The following GRIK4 variants were observed in gnomAD, a reference collection of about 807,000 sequenced individuals.
GRIK4 encodes the protein glutamate ionotropic receptor kainate type subunit 4.
In GRIK4, 40 loss-of-function variants were observed where a neutral mutation model predicts 104.9. That is an observed-to-expected ratio of 0.38 (90% CI 0.30 to 0.50). The LOEUF is 0.50. Ranked by LOEUF, GRIK4 falls within the 20% of genes least tolerant of loss-of-function variation. The pLI is 0.93. For synonymous variants in GRIK4, 485 were observed against 524.9 expected, an observed-to-expected ratio of 0.92 and a Z score of 1.04; for missense variants, 1,047 against 1,308.1, an observed-to-expected ratio of 0.80 and a Z score of 3.08.
chr11:120,655,107 C>T (rs1245368859), intron 2 of GRIK4, among the ~76,000 whole-genome samples: 2 of 151,942 alleles, frequency 1.3e-5, no homozygotes, highest in Non-Finnish European at 2.9e-5. Context: ...CTACTATGTG[C>T]CAGATAGGGT....
rs1260222998 is a variant in GRIK4 at position 120,902,766 on chromosome 11, G to A, written c.1273-2524G>A. On this transcript the variant is annotated intron_variant, in intron 12 of 20. Coordinates refer to ENST00000527524, the MANE Select transcript of GRIK4 (RefSeq NM_014619.5). The surrounding 1 kb of genome is among the most constrained non-coding windows in gnomAD (Gnocchi z 4.5). ...ACATGGGTTGGCACAGAAGGAGGCAGTGTGACTCTGCGGACAAAGATGACT... is the reference window on the plus strand; with the variant it reads ...ACATGGGTTGGCACAGAAGGAGGCAATGTGACTCTGCGGACAAAGATGACT... 2.0e-5 allele frequency among the ~76,000 whole-genome samples: 3 copies of A among 152,318 alleles called. No individual in the cohort carries two copies. Among genetic ancestry groups the A allele is most frequent in the South Asian group, 2.1e-4 (1 of 4,826 alleles).
chr11:120,933,323 G>A (rs1371397258), intron 13 of GRIK4, among the ~76,000 whole-genome samples: 1 of 152,206 alleles, frequency 6.6e-6, no homozygotes, highest in African/African-American at 2.4e-5. Flanking sequence ...CCCTTGCTAA[G>A]ATGATCCTCA....
At chr11:120,717,277 C>T (rs755406773) in intron 3 of GRIK4, among the ~76,000 whole-genome samples, 4 of 152,182 alleles carry the variant, frequency 2.6e-5, no homozygotes, top group Non-Finnish European at 5.9e-5. Flanking sequence ...TGGTGGGCAA[C>T]GCTGCAGGAA....
intron 3 of GRIK4, among the ~76,000 whole-genome samples, chr11:120,707,298 CT>C (rs1374183736): frequency 6.6e-6 from 1 of 152,216 alleles, no homozygotes; most frequent in Non-Finnish European, 1.5e-5. Context: ...GAGACTCACA[CT>C]TGTGGCCGCC....
At chr11:120,551,744 G>C (rs1948142613) in intron 1 of GRIK4, among the ~76,000 whole-genome samples, 1 of 152,078 alleles carries the variant, frequency 6.6e-6, no homozygotes, top group Admixed American at 6.6e-5. Context: ...TCACACCGTT[G>C]CACTCCAGCC....
At chr11:120,949,404 C>T (rs768955977) in intron 14 of GRIK4, among the ~76,000 whole-genome samples, 10 of 152,168 alleles carry the variant, frequency 6.6e-5, no homozygotes, top group South Asian at 2.1e-4. Flanking sequence ...CAATTTCATC[C>T]GCAGAGCTTG....
chr11:120,849,252 T>A (rs897383529), intron 8 of GRIK4, among the ~76,000 whole-genome samples: 1 of 151,996 alleles, frequency 6.6e-6, no homozygotes, highest in African/African-American at 2.4e-5. Flanking sequence ...CAAACTGAAA[T>A]AAGAACAAGA....
At chr11:120,814,660 C>CCCAGCACCTGT (rs201615547) in intron 4 of GRIK4, among the ~76,000 whole-genome samples, 2,456 of 152,160 alleles carry the variant, frequency 0.016, 68 homozygotes, top group African/African-American at 0.055. Flanking sequence ...CAGAACTGAT[C>CCCAGCACCTGT]CCGGACAGGT....
chr11:120,527,256 C>T (rs1455659166), intron 1 of GRIK4, among the ~76,000 whole-genome samples: 1 of 152,230 alleles, frequency 6.6e-6, no homozygotes, highest in Non-Finnish European at 1.5e-5. Flanking sequence ...CCTCAGCTTT[C>T]ATGGAATGTG....
chr11:120,583,813 A>G (rs1419839892), intron 1 of GRIK4, among the ~76,000 whole-genome samples: 1 of 152,238 alleles, frequency 6.6e-6, no homozygotes, highest in Non-Finnish European at 1.5e-5. Flanking sequence ...CAGTATGGCC[A>G]TTTTAACAAT....
chr11:120,721,953 T>C (rs1377128462), intron 3 of GRIK4, among the ~76,000 whole-genome samples: 1 of 152,238 alleles, frequency 6.6e-6, no homozygotes, highest in Admixed American at 6.5e-5. Flanking sequence ...TTACATGTTT[T>C]AACTCACTTC....
intron 3 of GRIK4, among the ~76,000 whole-genome samples, chr11:120,679,748 C>T (rs1591797407): frequency 6.6e-6 from 1 of 152,212 alleles, no homozygotes; most frequent in Admixed American, 6.5e-5. Flanking sequence ...CTCCCATCCT[C>T]ACTCTTTCTC....
chr11:120,889,790 G>A (rs1374423383), intron 11 of GRIK4, among the ~76,000 whole-genome samples: 4 of 151,832 alleles, frequency 2.6e-5, no homozygotes, highest in African/African-American at 9.7e-5. Context: ...TTTTAGTAGA[G>A]ACAGGGTTTC....
intron 3 of GRIK4, among the ~76,000 whole-genome samples, chr11:120,685,224 C>T (rs1312906353): frequency 6.6e-6 from 1 of 152,150 alleles, no homozygotes; most frequent in South Asian, 2.1e-4. Context: ...AGTTCATTGT[C>T]GTTAAAAATA....
chr11:120,758,679 T>C (rs773970858), intron 3 of GRIK4, among the ~76,000 whole-genome samples: 5 of 152,198 alleles, frequency 3.3e-5, no homozygotes, highest in Admixed American at 6.5e-5. Context: ...ATTAATAATA[T>C]ATAGTCTATT....
chr11:120,630,314 A>G (rs1396921699), intron 1 of GRIK4, among the ~76,000 whole-genome samples: 1 of 152,248 alleles, frequency 6.6e-6, no homozygotes, highest in Non-Finnish European at 1.5e-5. Flanking sequence ...TAACTCAGAC[A>G]AAAGACTGCC....
At chr11:120,516,946 G>A (rs975058340) in intron 1 of GRIK4, among the ~76,000 whole-genome samples, 1 of 149,840 alleles carries the variant, frequency 6.7e-6, no homozygotes, top group Non-Finnish European at 1.5e-5. Context: ...AGCAGCCACT[G>A]TCTAGTCTTG....
chr11:120,837,342 T>C (rs1953599838), intron 8 of GRIK4, among the ~76,000 whole-genome samples: 1 of 152,060 alleles, frequency 6.6e-6, no homozygotes, highest in Non-Finnish European at 1.5e-5. Flanking sequence ...GTTCTCAGAG[T>C]TGAAACAGAC....
intron 3 of GRIK4, among the ~76,000 whole-genome samples, chr11:120,770,996 C>T (rs535302055): frequency 2.0e-5 from 3 of 152,218 alleles, no homozygotes; most frequent in African/African-American, 7.2e-5. Context: ...TGGACTGTAA[C>T]AGAAAATTGG....
Sources: allele counts gnomAD v4.1 joint callset (sites outside exome capture counted in the v4.1 genomes callset), GRCh38; gene constraint gnomAD v4.1.1; non-coding constraint Gnocchi (gnomAD v3.1); transcripts MANE v1.5; gene names NCBI Gene and HGNC (gene_info 2026-07-23, HGNC 2026-07-21).